The following RABGAP1 variants were observed in gnomAD, a reference collection of about 807,000 sequenced individuals.
RABGAP1 encodes the protein rab GTPase-activating protein 1.
RABGAP1 carries 23 observed loss-of-function variants against 137.6 expected under a neutral mutation model. The observed-to-expected ratio is 0.17, with a 90% CI of 0.12 to 0.24. The LOEUF (loss-of-function observed/expected upper bound fraction) is 0.24, where lower values mean the gene tolerates loss of function less well. RABGAP1 is among the 10% of genes least tolerant of loss of function. The probability of loss-of-function intolerance (pLI) is 1.00; values close to 1 mark genes in which losing one functional copy is unlikely to be tolerated. For synonymous variants in RABGAP1, 451 were observed against 450.7 expected (o/e 1.00, Z -0.01); for missense variants, 906 against 1,275.8 (o/e 0.71, Z 4.42).
chr9:123,036,039 A>G (rs2032639638), intron 13 of RABGAP1, among the ~76,000 whole-genome samples: 1 of 152,198 alleles, frequency 6.6e-6, no homozygotes, highest in Non-Finnish European at 1.5e-5. Flanking sequence ...CTTCATATGC[A>G]ATTGATTTCT....
At chr9:123,051,341 A>G (rs2033461426) in intron 13 of RABGAP1, among the ~76,000 whole-genome samples, 1 of 139,492 alleles carries the variant, frequency 7.2e-6, no homozygotes, top group African/African-American at 2.7e-5. Flanking sequence ...TCCGCCTCCC[A>G]GGTTTAAGGG....
At chr9:122,945,147 C>CTTTTTGTTTTTTTTTTTTTTTTTTTT (rs1833873609) in intron 1 of RABGAP1, among the ~76,000 whole-genome samples, 4 of 75,770 alleles carry the variant, frequency 5.3e-5, no homozygotes, top group Non-Finnish European at 8.6e-5. Flanking sequence ...ATAGCTGTTG[C>CTTTTTGTTTTTTTTTTTTTTTTTTTT]TTTTTTTTTT....
chr9:123,076,214 G>T (rs188493922), intron 17 of RABGAP1, 31 bp from the exon 18 acceptor site: 2 of 1,601,508 alleles, frequency 1.2e-6, no homozygotes, highest in South Asian at 2.2e-5. Context: ...TATAAAAACT[G>T]ACAGTGTTCT....
At position 123,090,705 on chromosome 9, in the gene RABGAP1, G is replaced by A. The variant is rs555568062; in HGVS notation, c.2628+320G>A. Reference sequence around the variant, plus strand: ...AGGAGCATTTAATCATTATAATTACGTTAACCTCCCTCCTCAGACAGGAAG... The same window carrying A: ...AGGAGCATTTAATCATTATAATTACATTAACCTCCCTCCTCAGACAGGAAG... On this transcript the variant is annotated intron_variant, in intron 21 of 25. Coordinates refer to ENST00000373647, the MANE Select transcript of RABGAP1 (RefSeq NM_012197.4). Among the ~76,000 whole-genome samples the A allele has an allele frequency of 1.6e-4, 25 of 152,202 alleles. No individual in the cohort carries two copies. The South Asian group carries it at 1.7e-3, about 10-fold the overall frequency.
In RABGAP1 at chr9:123,089,617, T is replaced by C. The variant is rs905358841; in HGVS notation, c.2425-141T>C. 4 of 646,218 alleles carry C rather than the reference T, an allele frequency of 6.2e-6. No homozygotes were observed. The African/African-American group carries it at 7.3e-5, about 12-fold the overall frequency. The allele number at this position is 646,218 out of a possible 1,614,324, so 40.0% of individuals were successfully genotyped here. A position where few individuals can be genotyped will look rare whatever the true frequency, so the allele number is the denominator to read the frequency against. ...GGGCTTATACCCTACTCTGATGATTTCCCTCCAAAAAAATAGGAAATACCA... is the reference window on the plus strand; with the variant it reads ...GGGCTTATACCCTACTCTGATGATTCCCCTCCAAAAAAATAGGAAATACCA... On this transcript the variant is annotated intron_variant, in intron 19 of 25. Transcript: ENST00000373647.
intron 19 of RABGAP1, among the ~76,000 whole-genome samples, chr9:123,088,212 G>C (rs149167028): frequency 1.3e-5 from 2 of 151,738 alleles, no homozygotes; most frequent in African/African-American, 4.8e-5. Flanking sequence ...CACCATACCT[G>C]GCCAATTTTT....
intron 1 of RABGAP1, among the ~76,000 whole-genome samples, chr9:122,948,627 C>G (rs1834063006): frequency 6.6e-6 from 1 of 152,156 alleles, no homozygotes; most frequent in Non-Finnish European, 1.5e-5. Flanking sequence ...TTCCCTAAAG[C>G]TGTACCCATT....
chr9:123,077,839 TTTAC>T (rs1171470502), intron 19 of RABGAP1, among the ~76,000 whole-genome samples: 4 of 152,198 alleles, frequency 2.6e-5, no homozygotes, highest in South Asian at 2.1e-4. Context: ...AAAATAATAT[TTTAC>T]TTCTCATTCT....
intron 13 of RABGAP1, chr9:123,034,420 G>A (rs1171205177): frequency 1.3e-5 from 8 of 637,346 alleles, no homozygotes; most frequent in Non-Finnish European, 2.2e-5. Context: ...ATGCACCAGA[G>A]CAGCAGCATC....
At chr9:123,066,140 G>A (rs938296838) in intron 14 of RABGAP1, among the ~76,000 whole-genome samples, 2 of 152,190 alleles carry the variant, frequency 1.3e-5, no homozygotes, top group African/African-American at 4.8e-5. Context: ...TAAGGCATGA[G>A]ACATGTCGCT....
At position 123,070,881 on chromosome 9, in the gene RABGAP1, TCTAAA is replaced by T. The variant is rs551929123; in HGVS notation, c.1983+459_1983+463del. On this transcript the variant is annotated intron_variant, in intron 15 of 25. Coordinates refer to ENST00000373647, the MANE Select transcript of RABGAP1 (RefSeq NM_012197.4). This position sits in a 1 kb window ranked among gnomAD's most constrained non-coding sequence, Gnocchi z 4.4. ...ATTTTCTTTCAAATCCACAGAAAAC[TCTAAA>T]CAGTGTTAAGGTGAACAGTCTTTAT... 1.3e-5 allele frequency among the ~76,000 whole-genome samples: 2 copies of T among 151,978 alleles called. No homozygotes were observed. Among genetic ancestry groups the T allele is most frequent in the South Asian group, 4.1e-4 (2 of 4,836 alleles).
At chr9:122,956,884 A>G (rs1350542222) in intron 1 of RABGAP1, 127 bp from the exon 2 acceptor site, 1 of 418,846 alleles carries the variant, frequency 2.4e-6, no homozygotes, top group Admixed American at 4.5e-5. Flanking sequence ...ATAAGTAGTG[A>G]AAGTCTTAGG....
At chr9:123,023,218 T>C (rs551315563) in intron 13 of RABGAP1, among the ~76,000 whole-genome samples, 1 of 152,270 alleles carries the variant, frequency 6.6e-6, no homozygotes, top group South Asian at 2.1e-4. Context: ...TCTTGCCCTG[T>C]CACCGAGGCT....
chr9:123,063,137 C>T (rs1335718244), intron 13 of RABGAP1: 1 of 152,320 alleles, frequency 6.6e-6, no homozygotes, highest in Admixed American at 6.5e-5. Context: ...TTGTCATCTC[C>T]GTAATCAGTG....
chr9:122,982,971 C>T (rs1472071398), intron 2 of RABGAP1, among the ~76,000 whole-genome samples: 2 of 152,036 alleles, frequency 1.3e-5, no homozygotes, highest in East Asian at 1.9e-4. Context: ...TGGGCTCCAG[C>T]GATCCTCCCA....
intron 13 of RABGAP1, among the ~76,000 whole-genome samples, chr9:123,041,506 T>C (rs911533017): frequency 2.6e-5 from 4 of 152,230 alleles, no homozygotes; most frequent in African/African-American, 9.6e-5. Context: ...TACCATTATG[T>C]AAGCCTAGGC....
intron 5 of RABGAP1, chr9:122,989,718 A>C: frequency 1.8e-6 from 1 of 553,626 alleles, no homozygotes; most frequent in Non-Finnish European, 3.2e-6. Context: ...TTAAGTAGGC[A>C]TTCTGGTTCT....
chr9:123,091,550 T>G (rs2035032962), intron 21 of RABGAP1, among the ~76,000 whole-genome samples: 1 of 152,074 alleles, frequency 6.6e-6, no homozygotes, highest in African/African-American at 2.4e-5. Flanking sequence ...TTGGACACCT[T>G]GTAAAATGAG....
intron 2 of RABGAP1, among the ~76,000 whole-genome samples, chr9:122,965,898 C>T (rs929002771): frequency 2.6e-5 from 4 of 152,106 alleles, no homozygotes; most frequent in African/African-American, 7.2e-5. Flanking sequence ...TAAATGTGCT[C>T]TGATTCAGAA....
Sources: allele counts gnomAD v4.1 joint callset (sites outside exome capture counted in the v4.1 genomes callset), GRCh38; gene constraint gnomAD v4.1.1; non-coding constraint Gnocchi (gnomAD v3.1); transcripts MANE v1.5; gene names NCBI Gene and HGNC (gene_info 2026-07-23, HGNC 2026-07-21).